Variants in MYT1L observed in about 807,000 individuals in gnomAD.
MYT1L encodes the protein myelin transcription factor 1 like, also known as myelin transcription factor 1-like protein.
Under a neutral mutation model 126.7 loss-of-function variants are expected in MYT1L, and 12 were observed. The observed-to-expected ratio is 0.09, with a 90% CI of 0.06 to 0.15. The LOEUF (loss-of-function observed/expected upper bound fraction) is 0.15, where lower values mean the gene tolerates loss of function less well. Among genes scored for constraint, MYT1L ranks in the 10% least tolerant of loss-of-function variants. The pLI, the probability that MYT1L is intolerant of heterozygous loss-of-function variation, is 1.00. For missense variants in MYT1L, 979 were observed against 1,585.2 expected (o/e 0.62, Z 6.49); for synonymous variants, 541 against 604.2 (o/e 0.90, Z 1.53).
chr2:2,237,468 G>A (rs1275507595), intron 2 of MYT1L, among the ~76,000 whole-genome samples: 1 of 152,198 alleles, frequency 6.6e-6, no homozygotes, highest in Non-Finnish European at 1.5e-5. Flanking sequence ...TGAGGGATGT[G>A]ATTTTGTATC....
intron 1 of MYT1L, among the ~76,000 whole-genome samples, chr2:2,300,866 C>G (rs543972422): frequency 6.6e-6 from 1 of 152,150 alleles, no homozygotes; most frequent in African/African-American, 2.4e-5. Flanking sequence ...GCTGTGTGCT[C>G]GTCTTCTACT....
At chr2:2,258,013 C>T (rs2094868121) in intron 2 of MYT1L, among the ~76,000 whole-genome samples, 1 of 125,794 alleles carries the variant, frequency 7.9e-6, no homozygotes, top group African/African-American at 3.3e-5. Flanking sequence ...CTACAGTAAC[C>T]AAAACAGCAT....
intron 3 of MYT1L, among the ~76,000 whole-genome samples, chr2:2,092,897 G>A (rs933433888): frequency 4.6e-5 from 7 of 152,156 alleles, no homozygotes; most frequent in African/African-American, 7.2e-5. Flanking sequence ...TCAGGAGACC[G>A]GGCATCGCCC....
chr2:1,880,087 G>A (rs2047344976), intron 18 of MYT1L, among the ~76,000 whole-genome samples: 1 of 152,180 alleles, frequency 6.6e-6, no homozygotes, highest in Admixed American at 6.5e-5. Flanking sequence ...CCCTGGGAGA[G>A]TCGAGCTCCC....
chr2:1,967,667 C>A (rs1449922374), intron 8 of MYT1L, among the ~76,000 whole-genome samples: 3 of 152,206 alleles, frequency 2.0e-5, no homozygotes, highest in Admixed American at 2.0e-4. Flanking sequence ...GCAGCAGGGA[C>A]TTCAGGCCTG....
rs1281745266 is a variant in MYT1L at position 1,910,783 on chromosome 2, A to G, written c.1710-436T>C. Among the ~76,000 whole-genome samples the G allele has an allele frequency of 1.3e-5, 2 of 152,110 alleles. No individual in the cohort carries two copies. On this transcript the variant is annotated intron_variant, in intron 12 of 24. Transcript: ENST00000647738. This position sits in a 1 kb window ranked among gnomAD's most constrained non-coding sequence, Gnocchi z 4.8. ...GCTCCAAGCTGATTTCCTAAATGCT[A>G]TTGACTGTGGCGTCTGGGGGGCCTG...
intron 18 of MYT1L, among the ~76,000 whole-genome samples, chr2:1,868,726 A>C (rs994316615): frequency 3.3e-5 from 5 of 152,202 alleles, no homozygotes; most frequent in African/African-American, 1.2e-4. Flanking sequence ...GGGGGGATGC[A>C]GACGAGCGTT....
intron 4 of MYT1L, among the ~76,000 whole-genome samples, chr2:2,020,005 C>A (rs562338707): frequency 6.6e-6 from 1 of 152,016 alleles, no homozygotes; most frequent in Non-Finnish European, 1.5e-5. Flanking sequence ...CCACTGCACC[C>A]GGCTAATTTT....
intron 3 of MYT1L, among the ~76,000 whole-genome samples, chr2:2,127,758 C>A (rs918491544): frequency 1.3e-5 from 2 of 152,216 alleles, no homozygotes; most frequent in Non-Finnish European, 2.9e-5. Context: ...CACAAAGGCT[C>A]ACATTTGTGA....
chr2:2,227,330 T>A (rs1432211368), intron 2 of MYT1L, among the ~76,000 whole-genome samples: 1 of 152,226 alleles, frequency 6.6e-6, no homozygotes, highest in Non-Finnish European at 1.5e-5. Flanking sequence ...ATAGATTCAA[T>A]GACCCACTTG....
chr2:2,183,345 G>C (rs1340248724), intron 2 of MYT1L, among the ~76,000 whole-genome samples: 2 of 152,120 alleles, frequency 1.3e-5, no homozygotes, highest in Admixed American at 1.3e-4. Flanking sequence ...GCTCACCTCT[G>C]TGCAGGGAGA....
chr2:2,245,500 C>T (rs956689969), intron 2 of MYT1L, among the ~76,000 whole-genome samples: 6 of 152,164 alleles, frequency 3.9e-5, no homozygotes, highest in Non-Finnish European at 7.3e-5. Flanking sequence ...TATTTTAATG[C>T]TACTTCTACA....
intron 1 of MYT1L, among the ~76,000 whole-genome samples, chr2:2,314,421 C>G (rs181755845): frequency 5.2e-4 from 79 of 152,288 alleles, no homozygotes; most frequent in African/African-American, 1.9e-3. Flanking sequence ...ATATAGAAGG[C>G]CTGGTCCTTT....
chr2:2,233,103 A>G (rs2094198858), intron 2 of MYT1L, among the ~76,000 whole-genome samples: 1 of 152,202 alleles, frequency 6.6e-6, no homozygotes, highest in South Asian at 2.1e-4. Context: ...CAGGTGCTCA[A>G]CGTATATTTT....
chr2:1,965,306 A>G (rs2059261761), intron 8 of MYT1L, among the ~76,000 whole-genome samples: 1 of 139,214 alleles, frequency 7.2e-6, no homozygotes, highest in Non-Finnish European at 1.5e-5. Flanking sequence ...TCAGGCAGGG[A>G]AGAGGAGGAC....
chr2:2,126,298 T>C (rs1001965675), intron 3 of MYT1L, among the ~76,000 whole-genome samples: 2 of 152,238 alleles, frequency 1.3e-5, no homozygotes, highest in African/African-American at 4.8e-5. Flanking sequence ...AGGAAATGCA[T>C]TTTAATGTTT....
At chr2:2,246,746 G>C (rs1051613135) in intron 2 of MYT1L, among the ~76,000 whole-genome samples, 2 of 152,180 alleles carry the variant, frequency 1.3e-5, no homozygotes, top group Admixed American at 6.5e-5. Context: ...TGTAAACCTT[G>C]ATTTACATCT....
chr2:2,149,887 T>C (rs970296964), intron 3 of MYT1L, among the ~76,000 whole-genome samples: 1 of 152,226 alleles, frequency 6.6e-6, no homozygotes, highest in Non-Finnish European at 1.5e-5. Flanking sequence ...TCCAACTGCA[T>C]GTGTGGGATC....
chr2:2,234,902 C>T (rs1010198316), intron 2 of MYT1L, among the ~76,000 whole-genome samples: 6 of 152,322 alleles, frequency 3.9e-5, no homozygotes, highest in South Asian at 2.1e-4. Flanking sequence ...CCGATGCTCA[C>T]GCCTCTGGTC....
Sources: allele counts gnomAD v4.1 joint callset (sites outside exome capture counted in the v4.1 genomes callset), GRCh38; gene constraint gnomAD v4.1.1; non-coding constraint Gnocchi (gnomAD v3.1); transcripts MANE v1.5; gene names NCBI Gene and HGNC (gene_info 2026-07-23, HGNC 2026-07-21).